HDAC8: variants seen among roughly 807,000 people sequenced by gnomAD.
HDAC8 encodes histone deacetylase-like 1.
HDAC8 carries 1 observed loss-of-function variant against 32.2 expected under a neutral mutation model. That is an observed-to-expected ratio of 0.03 (90% CI 0.01 to 0.15). The LOEUF is 0.15. HDAC8 is among the 10% of genes least tolerant of loss of function. The probability of loss-of-function intolerance (pLI) is 1.00; values close to 1 mark genes in which losing one functional copy is unlikely to be tolerated. For missense variants in HDAC8, 117 were observed against 300.0 expected, an observed-to-expected ratio of 0.39 and a Z score of 4.51; for synonymous variants, 108 against 113.9, an observed-to-expected ratio of 0.95 and a Z score of 0.33.
At chrX:72,360,338 G>A (rs1286786356) in intron 9 of HDAC8, among the ~76,000 whole-genome samples, 1 of 108,609 alleles carries the variant, frequency 9.2e-6, no homozygotes, top group Non-Finnish European at 1.9e-5. Context: ...CTGGGTGACA[G>A]AGCGAGACTC....
At position 72,329,940 on chromosome X, in the gene HDAC8, A is replaced by T. The variant is rs1339939462; in HGVS notation, c.*114T>A. The T allele has an allele frequency of 2.9e-5, 26 of 908,681 alleles. No homozygotes were observed. Among genetic ancestry groups the T allele is most frequent in the Non-Finnish European group, 4.1e-5 (26 of 636,874 alleles). 74.9% of individuals were successfully genotyped at this position (908,681 alleles called of 1,213,427 possible). On this transcript the variant is annotated 3_prime_UTR_variant, in exon 11 of 11. Coordinates refer to ENST00000373573, the MANE Select transcript of HDAC8 (RefSeq NM_018486.3). Reference sequence around the variant, plus strand: ...GCCCCTTGGAAATTTTCAGGAAGTAATTTCTTTCAAATTTTCCCTGCAGTC... The same window carrying T: ...GCCCCTTGGAAATTTTCAGGAAGTATTTTCTTTCAAATTTTCCCTGCAGTC...
chrX:72,439,411 G>T (rs1323643097), intron 9 of HDAC8, among the ~76,000 whole-genome samples: 16 of 110,619 alleles, frequency 1.4e-4, no homozygotes, highest in Admixed American at 1.4e-3. Flanking sequence ...TCAATTAATG[G>T]TCACAATAAC....
chrX:72,337,842 G>T (rs1258642951), intron 10 of HDAC8, among the ~76,000 whole-genome samples: 1 of 112,195 alleles, frequency 8.9e-6, no homozygotes, highest in Non-Finnish European at 1.9e-5. Flanking sequence ...TTGCTCACTT[G>T]AGTCTTCTTT....
chrX:72,448,751 A>G, intron 9 of HDAC8, among the ~76,000 whole-genome samples: 1 of 112,235 alleles, frequency 8.9e-6, no homozygotes, highest in Non-Finnish European at 1.9e-5. Flanking sequence ...AAAAACAAAC[A>G]TCAAAAAGTA....
intron 9 of HDAC8, among the ~76,000 whole-genome samples, chrX:72,432,296 T>A (rs1555977743): frequency 9.0e-6 from 1 of 110,780 alleles, no homozygotes; most frequent in Non-Finnish European, 1.9e-5. Flanking sequence ...AAAACACACA[T>A]CACATCCTGG....
chrX:72,417,977 C>T (rs782054581), intron 9 of HDAC8, among the ~76,000 whole-genome samples: 1 of 111,932 alleles, frequency 8.9e-6, no homozygotes, highest in South Asian at 3.7e-4. Context: ...GAAAGCATAT[C>T]TTATTCAATA....
intron 4 of HDAC8, among the ~76,000 whole-genome samples, chrX:72,525,682 C>T (rs1203012862): frequency 1.2e-4 from 13 of 106,962 alleles, no homozygotes; most frequent in African/African-American, 4.4e-4. Flanking sequence ...GGCGTTGTGG[C>T]GGGCGCCCGT....
chrX:72,486,175 T>G (rs1556005644), intron 7 of HDAC8, among the ~76,000 whole-genome samples: 1 of 112,304 alleles, frequency 8.9e-6, no homozygotes, highest in Non-Finnish European at 1.9e-5. Context: ...AAATGACTTT[T>G]TACAAAAAGA....
intron 9 of HDAC8, among the ~76,000 whole-genome samples, chrX:72,370,194 C>A (rs1432947821): frequency 8.9e-6 from 1 of 112,084 alleles, no homozygotes; most frequent in Non-Finnish European, 1.9e-5. Context: ...TTCCATAAGG[C>A]CTGAAATTTT....
chrX:72,546,351 G>A (rs898628044), intron 4 of HDAC8, among the ~76,000 whole-genome samples: 1 of 111,432 alleles, frequency 9.0e-6, no homozygotes, highest in African/African-American at 3.3e-5. Context: ...AAATGTTATG[G>A]GACAAGAGGG....
chrX:72,411,185 C>G (rs1424565908), intron 9 of HDAC8, among the ~76,000 whole-genome samples: 1 of 110,464 alleles, frequency 9.1e-6, no homozygotes, highest in Admixed American at 9.6e-5. Flanking sequence ...ACCACCATGC[C>G]TGGCTAATTT....
intron 7 of HDAC8, 41 bp from the exon 8 acceptor site, chrX:72,464,772 G>A (rs782561917): frequency 1.1e-5 from 11 of 1,035,631 alleles, no homozygotes; most frequent in Non-Finnish European, 1.5e-5. Context: ...GGTCAGTTTG[G>A]TCTAGGGGTA....
intron 9 of HDAC8, among the ~76,000 whole-genome samples, chrX:72,434,390 T>C (rs2046896766): frequency 8.9e-6 from 1 of 112,178 alleles, no homozygotes; most frequent in Non-Finnish European, 1.9e-5. Context: ...ATCCTACCTA[T>C]ATGAAGCATT....
intron 4 of HDAC8, among the ~76,000 whole-genome samples, chrX:72,558,806 CTTTG>C (rs2051377356): frequency 9.1e-6 from 1 of 110,431 alleles, no homozygotes; most frequent in Non-Finnish European, 1.9e-5. Flanking sequence ...AACTGTTGCT[CTTTG>C]TTGATGATAT....
intron 9 of HDAC8, among the ~76,000 whole-genome samples, chrX:72,443,852 A>T (rs2095245507): frequency 9.1e-6 from 1 of 109,610 alleles, no homozygotes; most frequent in African/African-American, 3.4e-5. Context: ...GATAAAGGGG[A>T]TATCACCACC....
At chrX:72,484,024 A>G (rs2048592204) in intron 7 of HDAC8, among the ~76,000 whole-genome samples, 1 of 112,465 alleles carries the variant, frequency 8.9e-6, no homozygotes, top group African/African-American at 3.2e-5. Context: ...TTAAAGAGCT[A>G]TAAAATAAAT....
chrX:72,432,811 A>G, intron 9 of HDAC8, among the ~76,000 whole-genome samples: 1 of 111,426 alleles, frequency 9.0e-6, no homozygotes, highest in East Asian at 2.8e-4. Flanking sequence ...TACACTGTTC[A>G]CCATTGTAGC....
At chrX:72,455,028 A>C (rs782762053) in intron 9 of HDAC8, among the ~76,000 whole-genome samples, 13 of 112,605 alleles carry the variant, frequency 1.2e-4, no homozygotes, top group Non-Finnish European at 2.1e-4. Context: ...GTAGTCAGTC[A>C]TGTGGTATCA....
intron 7 of HDAC8, among the ~76,000 whole-genome samples, chrX:72,471,109 T>C (rs2048162480): frequency 8.9e-6 from 1 of 112,378 alleles, no homozygotes; most frequent in Non-Finnish European, 1.9e-5. Context: ...AGTGGAATCA[T>C]ATAATGTTTT....
Sources: gnomAD v4.1 joint callset for allele counts (sites outside exome capture counted in the v4.1 genomes callset) on GRCh38, gnomAD v4.1.1 for gene constraint, MANE v1.5 for transcripts, NCBI Gene and HGNC (gene_info 2026-07-23, HGNC 2026-07-21) for gene names.